COL2A1: variants seen among roughly 807,000 people sequenced by gnomAD.
The protein encoded by COL2A1 is collagen alpha-1(II) chain.
Under a neutral mutation model 204.5 loss-of-function variants are expected in COL2A1, and 28 were observed. That is an observed-to-expected ratio of 0.14 (90% CI 0.10 to 0.19). The LOEUF (loss-of-function observed/expected upper bound fraction) is 0.19. Ranked by LOEUF, COL2A1 falls within the 10% of genes least tolerant of loss-of-function variation. COL2A1 has a pLI of 1.00. For synonymous variants in COL2A1, 708 were observed against 718.7 expected (o/e 0.99, Z 0.24); for missense variants, 1,388 against 2,027.5 (o/e 0.68, Z 6.06).
chr12:47,989,085 T>G, intron 18 of COL2A1, 143 bp downstream of exon 18: 1 of 728,006 alleles, frequency 1.4e-6, no homozygotes, highest in South Asian at 1.5e-5. Flanking sequence ...CCTGCCTGGA[T>G]GGAGGGGCCA....
chr12:47,980,075 GA>G lies in COL2A1; in HGVS notation c.2626-14del. 1 of 1,552,156 alleles carries G rather than the reference GA, an allele frequency of 6.4e-7. No individual in the cohort carries two copies. Among genetic ancestry groups the G allele is most frequent in the Non-Finnish European group, 8.7e-7 (1 of 1,147,504 alleles). On this transcript the variant is annotated splice_polypyrimidine_tract_variant and intron_variant, in intron 39 of 53. Coordinates refer to ENST00000380518, the MANE Select transcript of COL2A1 (RefSeq NM_001844.5). The surrounding 1 kb of genome is among the most constrained non-coding windows in gnomAD (Gnocchi z 4.5). Reference sequence around the variant, plus strand: ...CTCCAGTAGGACCCTGGAAAGGAAAGAGGGAGACAGTGAGGCCCAGTGGCCC... The same window carrying G: ...CTCCAGTAGGACCCTGGAAAGGAAAGGGGAGACAGTGAGGCCCAGTGGCCC...
chr12:47,998,004 C>T lies in COL2A1; in HGVS notation c.375+28G>A, dbSNP rs377296734. Reference sequence around the variant, plus strand: ...TAACTTGCGCGCAGCGAGGAAGGGACGGAGAAAGAGATTTCTCCCTCTCTT... The same window carrying T: ...TAACTTGCGCGCAGCGAGGAAGGGATGGAGAAAGAGATTTCTCCCTCTCTT... On this transcript the variant is annotated intron_variant, in intron 5 of 53. Transcript: ENST00000380518. 55 of 1,614,026 alleles carry T rather than the reference C, an allele frequency of 3.4e-5. 1 individual carries two copies. In the Admixed American group the frequency reaches 7.7e-4, roughly 22 times the overall value.
chr12:47,978,496 C>T lies in COL2A1; in HGVS notation c.2896-98G>A. 1 of 1,575,228 alleles carries T rather than the reference C, an allele frequency of 6.3e-7. No homozygotes were observed. The highest frequency in any genetic ancestry group is 8.7e-7 in the Non-Finnish European group (1 of 1,155,374). On this transcript the variant is annotated intron_variant, in intron 42 of 53. Transcript: ENST00000380518. This position sits in a 1 kb window ranked among gnomAD's most constrained non-coding sequence, Gnocchi z 5.5. ...CTGTGCAGCCCCGCTCCCTGGCATC[C>T]CCACGGCCCCTGCTCCCTCCTACCC...
intron 53 of COL2A1, 95 bp downstream of exon 53, chr12:47,973,994 C>A (rs1938564038): frequency 6.3e-7 from 1 of 1,580,724 alleles, no homozygotes; most frequent in South Asian, 1.1e-5. Flanking sequence ...ATGATCCTGT[C>A]ACTTTAGGAC....
intron 16 of COL2A1, among the ~76,000 whole-genome samples, chr12:47,991,713 C>T (rs573748116): frequency 6.6e-6 from 1 of 152,352 alleles, no homozygotes; most frequent in South Asian, 2.1e-4. Flanking sequence ...GGAACAAGGA[C>T]AGGAGATGGA....
At chr12:47,984,747 G>A in intron 27 of COL2A1, 148 bp from the exon 28 acceptor site, 4 of 829,922 alleles carry the variant, frequency 4.8e-6, no homozygotes, top group Non-Finnish European at 8.1e-6. Context: ...CTGTTCAGGG[G>A]CCATAATGGC....
chr12:48,000,215 T>C, intron 1 of COL2A1, 90 bp from the exon 2 acceptor site: 2 of 894,174 alleles, frequency 2.2e-6, no homozygotes, highest in South Asian at 2.8e-5. Context: ...TGCAGTCAAC[T>C]TGACAGAATT....
Position 47,987,813 on chromosome 12 carries a change from A to C in COL2A1, c.1123-104T>G. The C allele has an allele frequency of 2.4e-6, 2 of 823,134 alleles. No homozygotes were observed. Among genetic ancestry groups the C allele is most frequent in the South Asian group, 2.9e-5 (2 of 69,806 alleles). The allele number at this position is 823,134 out of a possible 1,614,324, so 51.0% of individuals were successfully genotyped here. ...CCAGCTGCAAGCACAGCACTAAATTATGCACATGCACCCAACCCTGCACAT... is the reference window on the plus strand; with the variant it reads ...CCAGCTGCAAGCACAGCACTAAATTCTGCACATGCACCCAACCCTGCACAT... On this transcript the variant is annotated intron_variant, in intron 18 of 53. Coordinates refer to ENST00000380518, the MANE Select transcript of COL2A1 (RefSeq NM_001844.5). This position sits in a 1 kb window ranked among gnomAD's most constrained non-coding sequence, Gnocchi z 4.1.
chr12:47,996,201 C>T (rs12302988), intron 8 of COL2A1, among the ~76,000 whole-genome samples: 217 of 152,334 alleles, frequency 1.4e-3, no homozygotes, highest in African/African-American at 4.8e-3. Flanking sequence ...GTCAGAGCTG[C>T]GGGCTGAGAT....
intron 18 of COL2A1, chr12:47,988,281 C>T (rs1400927716): frequency 6.1e-6 from 1 of 164,276 alleles, no homozygotes; most frequent in East Asian, 1.7e-4. Context: ...TCTGCCCCTC[C>T]CTGCTCTCAA....
intron 1 of COL2A1, among the ~76,000 whole-genome samples, chr12:48,001,768 C>A (rs1349229113): frequency 1.3e-5 from 2 of 152,162 alleles, no homozygotes; most frequent in African/African-American, 4.8e-5. Flanking sequence ...AAGGAGCCAG[C>A]GCCGTAACCG....
chr12:48,003,952 A>G (rs1592243653), intron 1 of COL2A1, among the ~76,000 whole-genome samples: 1 of 152,234 alleles, frequency 6.6e-6, no homozygotes, highest in African/African-American at 2.4e-5. Flanking sequence ...CTGTGCGCAA[A>G]CTTCTCCGAG....
chr12:47,982,172 G>C lies in COL2A1; in HGVS notation c.2302-12C>G. On this transcript the variant is annotated splice_polypyrimidine_tract_variant and intron_variant, in intron 34 of 53. Coordinates refer to ENST00000380518, the MANE Select transcript of COL2A1 (RefSeq NM_001844.5). ...TCACCAACGTCACCCTGAGGGAAGA[G>C]AAAACCAGCCGCCTCAGCCAGGCAC... The C allele has an allele frequency of 6.2e-7, 1 of 1,613,376 alleles. No homozygotes were observed. The highest frequency in any genetic ancestry group is 8.5e-7 in the Non-Finnish European group (1 of 1,179,442).
chr12:48,005,946 C>G (rs886159389), upstream of COL2A1: 4 of 152,258 alleles, frequency 2.6e-5, no homozygotes, highest in Admixed American at 2.6e-4. Context: ...GTTCCAAGTG[C>G]TCTGGTTGGA....
At chr12:47,994,352 T>G (rs1254217527) in intron 12 of COL2A1, 72 bp downstream of exon 12, 12 of 1,506,286 alleles carry the variant, frequency 8.0e-6, no homozygotes, top group Non-Finnish European at 1.1e-5. Context: ...TTGAACTGGA[T>G]GCACTGTGTT....
chr12:47,992,788 C>T, intron 16 of COL2A1, 90 bp downstream of exon 16: 2 of 1,357,708 alleles, frequency 1.5e-6, no homozygotes, highest in Non-Finnish European at 2.1e-6. Flanking sequence ...CCCTATGCCT[C>T]ACAGGGTTGT....
rs1371905336 is a variant in COL2A1 at position 47,987,424 on chromosome 12, C to T, written c.1222-111G>A. On this transcript the variant is annotated intron_variant, in intron 19 of 53. Transcript: ENST00000380518. This position sits in a 1 kb window ranked among gnomAD's most constrained non-coding sequence, Gnocchi z 4.1. ...GCATAGGTGCTGTCCATTTCAGGGA[C>T]ATTCCCACTATGTGTTTCAAGGGGA... The T allele has an allele frequency of 4.9e-6, 6 of 1,219,218 alleles. No individual in the cohort carries two copies. The highest frequency in any genetic ancestry group is 1.5e-5 in the African/African-American group (1 of 67,370). 75.5% of individuals were successfully genotyped at this position (1,219,218 alleles called of 1,614,324 possible).
chr12:47,987,425 A>C lies in COL2A1; in HGVS notation c.1222-112T>G. 1.7e-6 allele frequency: 2 copies of C among 1,209,868 alleles called. No individual in the cohort carries two copies. Among genetic ancestry groups the C allele is most frequent in the South Asian group, 2.5e-5 (2 of 79,496 alleles). The allele number at this position is 1,209,868 out of a possible 1,614,324, so 74.9% of individuals were successfully genotyped here. ...CATAGGTGCTGTCCATTTCAGGGAC[A>C]TTCCCACTATGTGTTTCAAGGGGAA... is the stretch of plus-strand genomic sequence containing the variant. On this transcript the variant is annotated intron_variant, in intron 19 of 53. Transcript: ENST00000380518. The surrounding 1 kb of genome is among the most constrained non-coding windows in gnomAD (Gnocchi z 4.1).
intron 31 of COL2A1, 90 bp from the exon 32 acceptor site, chr12:47,983,227 C>T: frequency 6.6e-7 from 1 of 1,519,876 alleles, no homozygotes; most frequent in Non-Finnish European, 9.0e-7. Context: ...TATCACTCCT[C>T]CCATGGGGGA....
Sources: allele counts gnomAD v4.1 joint callset (sites outside exome capture counted in the v4.1 genomes callset), GRCh38; gene constraint gnomAD v4.1.1; non-coding constraint Gnocchi (gnomAD v3.1); transcripts MANE v1.5; gene names NCBI Gene and HGNC (gene_info 2026-07-23, HGNC 2026-07-21).